The following TTC27 variants were observed in gnomAD, a reference collection of about 807,000 sequenced individuals.
TTC27 encodes tetratricopeptide repeat domain 27.
In TTC27, 79 loss-of-function variants were observed where a neutral mutation model predicts 115.9. The observed-to-expected ratio is 0.68, with a 90% CI of 0.57 to 0.82. The LOEUF (loss-of-function observed/expected upper bound fraction) is 0.82, where lower values mean the gene tolerates loss of function less well. Among genes scored for constraint, TTC27 ranks in the 40% least tolerant of loss-of-function variants. The pLI is 0.00. For missense variants in TTC27, 1,054 were observed against 993.1 expected (o/e 1.06, Z -0.82); for synonymous variants, 401 against 356.0 (o/e 1.13, Z -1.42).
chr2:32,689,246 T>G (rs1387495329), intron 9 of TTC27, among the ~76,000 whole-genome samples: 3 of 152,100 alleles, frequency 2.0e-5, no homozygotes, highest in Admixed American at 1.3e-4. Context: ...GATTTAATAG[T>G]GGTTATATAG....
At chr2:32,647,499 A>G (rs72858145) in intron 4 of TTC27, among the ~76,000 whole-genome samples, 1,919 of 152,294 alleles carry the variant, frequency 0.013, 34 homozygotes, top group African/African-American at 0.044. Context: ...ATTTCCTTAC[A>G]TGGACTGAGG....
intron 5 of TTC27, among the ~76,000 whole-genome samples, chr2:32,662,800 A>G (rs1051017268): frequency 6.6e-6 from 1 of 151,724 alleles, no homozygotes; most frequent in Non-Finnish European, 1.5e-5. Flanking sequence ...GATTTTAGAT[A>G]TTTCTTGCCT....
chr2:32,759,930 C>G (rs1021074445), intron 13 of TTC27, among the ~76,000 whole-genome samples: 25 of 152,176 alleles, frequency 1.6e-4, no homozygotes, highest in African/African-American at 5.8e-4. Flanking sequence ...AACCTCCTGC[C>G]TTTTTAAGGC....
chr2:32,631,850 G>C (rs1330097575), intron 2 of TTC27, among the ~76,000 whole-genome samples: 2 of 145,808 alleles, frequency 1.4e-5, no homozygotes, highest in African/African-American at 2.5e-5. Flanking sequence ...TCACTCTGTT[G>C]CCCAGGCTGG....
At chr2:32,789,649 G>A (rs1461857496) in intron 16 of TTC27, among the ~76,000 whole-genome samples, 2 of 152,076 alleles carry the variant, frequency 1.3e-5, no homozygotes, top group African/African-American at 4.8e-5. Flanking sequence ...GCTGGGTGCA[G>A]TGGCTTCTAC....
intron 10 of TTC27, 72 bp from the exon 11 acceptor site, chr2:32,733,756 C>G: frequency 1.1e-6 from 1 of 904,698 alleles, no homozygotes; most frequent in Non-Finnish European, 1.6e-6. Flanking sequence ...ATTTGTATAA[C>G]TATTACAATA....
chr2:32,725,997 GC>G (rs1668096455), intron 10 of TTC27, among the ~76,000 whole-genome samples: 5 of 91,180 alleles, frequency 5.5e-5, no homozygotes, highest in Admixed American at 4.6e-4. Context: ...CTCTACATTG[GC>G]CTCTTTCAGC....
intron 9 of TTC27, among the ~76,000 whole-genome samples, chr2:32,693,141 T>A (rs1262950962): frequency 1.3e-5 from 2 of 152,190 alleles, no homozygotes; most frequent in Non-Finnish European, 2.9e-5. Flanking sequence ...AACTTTAAAT[T>A]TGTTGTTTTT....
intron 10 of TTC27, among the ~76,000 whole-genome samples, chr2:32,728,372 C>G (rs951709452): frequency 2.0e-5 from 3 of 152,080 alleles, no homozygotes; most frequent in African/African-American, 7.2e-5. Context: ...TCTTTTCAGC[C>G]TGTAATCACA....
chr2:32,638,748 A>T (rs1225342237), intron 3 of TTC27, among the ~76,000 whole-genome samples: 1 of 152,162 alleles, frequency 6.6e-6, no homozygotes, highest in South Asian at 2.1e-4. Context: ...TTAGTATTCA[A>T]AATACTCAGT....
chr2:32,688,206 C>A (rs1264634667), intron 9 of TTC27, among the ~76,000 whole-genome samples: 5 of 151,880 alleles, frequency 3.3e-5, no homozygotes, highest in African/African-American at 9.7e-5. Flanking sequence ...GTTTGTAAAC[C>A]AAACAATTAA....
chr2:32,731,426 G>T (rs1668288367), intron 10 of TTC27, among the ~76,000 whole-genome samples: 1 of 152,132 alleles, frequency 6.6e-6, no homozygotes, highest in Non-Finnish European at 1.5e-5. Context: ...CCAGGCAGGA[G>T]TGCAGTGGCA....
At chr2:32,743,419 G>T (rs1668710807) in intron 12 of TTC27, among the ~76,000 whole-genome samples, 2 of 152,070 alleles carry the variant, frequency 1.3e-5, no homozygotes, top group Non-Finnish European at 2.9e-5. Context: ...CCCTGACAGA[G>T]TGCTTCCTGG....
Position 32,672,342 on chromosome 2 carries a change from CG to C in TTC27, c.1012del (p.Asp338IlefsTer26). 1.9e-6 allele frequency: 3 copies of C among 1,613,792 alleles called. No individual in the cohort carries two copies. The highest frequency in any genetic ancestry group is 2.5e-6 in the Non-Finnish European group (3 of 1,179,804). On this transcript the variant is annotated frameshift_variant, in exon 8 of 20. Coordinates refer to ENST00000317907, the MANE Select transcript of TTC27 (RefSeq NM_017735.5). LOFTEE classifies it high-confidence loss of function. ...GCAGATTGTGAACAGTTCCAGATGC[CG>C]GATCTGTGTGCTGAAGAGATCGCTA... ...KLADCEQFQM[P>X]DLCAEEIAII... is the part of the protein sequence containing the mutation.
intron 9 of TTC27, among the ~76,000 whole-genome samples, 174 bp downstream of exon 9, chr2:32,679,096 A>G (rs1198049637): frequency 6.6e-6 from 1 of 152,210 alleles, no homozygotes; most frequent in East Asian, 1.9e-4. Flanking sequence ...CTGATTTAAG[A>G]GTCTGCAACT....
chr2:32,676,450 G>A (rs1182453091), intron 8 of TTC27, among the ~76,000 whole-genome samples: 3 of 150,926 alleles, frequency 2.0e-5, no homozygotes, highest in Non-Finnish European at 4.4e-5. Context: ...GAAAATTATA[G>A]GGATATGTTA....
At chr2:32,686,422 A>G (rs1047107368) in intron 9 of TTC27, among the ~76,000 whole-genome samples, 14 of 151,980 alleles carry the variant, frequency 9.2e-5, no homozygotes, top group Admixed American at 2.0e-4. Flanking sequence ...CTGGAGCGCA[A>G]AGGCACGATC....
chr2:32,679,246 T>C (rs1449891843), intron 9 of TTC27, among the ~76,000 whole-genome samples: 1 of 152,212 alleles, frequency 6.6e-6, no homozygotes, highest in Non-Finnish European at 1.5e-5. Flanking sequence ...CGGAGATAAA[T>C]GTGGACAGAG....
intron 4 of TTC27, among the ~76,000 whole-genome samples, chr2:32,646,003 G>T (rs972552633): frequency 6.7e-6 from 1 of 149,954 alleles, no homozygotes; most frequent in African/African-American, 2.5e-5. Flanking sequence ...ACAGGTGTGA[G>T]CCACAGTGCC....
Sources: gnomAD v4.1 joint callset for allele counts (sites outside exome capture counted in the v4.1 genomes callset) on GRCh38, gnomAD v4.1.1 for gene constraint, MANE v1.5 for transcripts, NCBI Gene and HGNC (gene_info 2026-07-23, HGNC 2026-07-21) for gene names.